Variants in AGBL1 observed in about 807,000 individuals in gnomAD.
AGBL1 encodes AGBL carboxypeptidase 1, also known as cytosolic carboxypeptidase 4.
AGBL1 carries 130 observed loss-of-function variants against 118.9 expected under a neutral mutation model. The observed-to-expected ratio is 1.09, with a 90% CI of 0.95 to 1.26. AGBL1 has a LOEUF of 1.26. Among genes scored for constraint, AGBL1 ranks in the 50% most tolerant of loss-of-function variants. The probability of loss-of-function intolerance (pLI) is 0.00; values close to 1 mark genes in which losing one functional copy is unlikely to be tolerated. For missense variants in AGBL1, 1,584 were observed against 1,298.1 expected (o/e 1.22, Z -3.38); for synonymous variants, 555 against 478.9 (o/e 1.16, Z -2.08).
chr15:86,841,067 C>T (rs771267557), intron 22 of AGBL1, among the ~76,000 whole-genome samples: 2 of 152,184 alleles, frequency 1.3e-5, no homozygotes, highest in Non-Finnish European at 2.9e-5. Context: ...GGTTCTAGGA[C>T]AAGCCCAGCG....
At position 86,749,692 on chromosome 15, in the gene AGBL1, C is replaced by T. The variant is rs1341294197; in HGVS notation, c.3158+75256C>T. Among the ~76,000 whole-genome samples, 9 of 152,240 alleles carry T rather than the reference C, an allele frequency of 5.9e-5. No individual in the cohort carries two copies. In the East Asian group the frequency reaches 1.7e-3, roughly 29 times the overall value. On this transcript the variant is annotated intron_variant, in intron 22 of 22. Transcript: ENST00000614907. ...TATTTTGAGATACATCCATCAATAC[C>T]TAATTTATTGAGAGTTTTTAGCATG...
chr15:86,594,186 C>T (rs903256290), intron 21 of AGBL1, among the ~76,000 whole-genome samples: 4 of 152,118 alleles, frequency 2.6e-5, no homozygotes, highest in South Asian at 2.1e-4. Context: ...TCTAGGATTA[C>T]AGGAGTGAGC....
At chr15:86,604,332 T>C (rs2084541311) in intron 21 of AGBL1, among the ~76,000 whole-genome samples, 1 of 152,222 alleles carries the variant, frequency 6.6e-6, no homozygotes, top group African/African-American at 2.4e-5. Context: ...TATAATTATT[T>C]ATCATGACAA....
At chr15:86,514,153 C>CACACAG (rs1196380202) in intron 18 of AGBL1, among the ~76,000 whole-genome samples, 1 of 151,252 alleles carries the variant, frequency 6.6e-6, no homozygotes, top group Non-Finnish European at 1.5e-5. Context: ...CACACACACA[C>CACACAG]ACACACACAT....
intron 22 of AGBL1, among the ~76,000 whole-genome samples, chr15:86,766,852 T>TACAC (rs10537713): frequency 1.3e-5 from 2 of 150,530 alleles, no homozygotes; most frequent in South Asian, 2.1e-4. Context: ...CAAAATAATC[T>TACAC]ACACACACAC....
intron 22 of AGBL1, among the ~76,000 whole-genome samples, chr15:86,849,256 T>A (rs1394047989): frequency 6.6e-6 from 1 of 152,228 alleles, no homozygotes; most frequent in Non-Finnish European, 1.5e-5. Context: ...TTTCTCTGCT[T>A]TGCCTCAGCA....
chr15:86,271,607 G>A lies in AGBL1; in HGVS notation c.1988-12G>A, dbSNP rs754217281. 6.3e-7 allele frequency: 1 copy of A among 1,595,892 alleles called. No homozygotes were observed. The highest frequency in any genetic ancestry group is 8.6e-7 in the Non-Finnish European group (1 of 1,163,580). On this transcript the variant is annotated splice_polypyrimidine_tract_variant and intron_variant, in intron 14 of 22. Transcript: ENST00000614907. ...TTCCCTCATGGATTAATTCCTTTCT[G>A]ATTTTGTGTAGGGATGCAGCCCACC...
intron 22 of AGBL1, among the ~76,000 whole-genome samples, chr15:86,708,369 T>A (rs923416052): frequency 5.3e-5 from 8 of 152,056 alleles, no homozygotes; most frequent in African/African-American, 1.9e-4. Context: ...AAAGGCCATA[T>A]GAGGACACAG....
chr15:86,850,799 A>T (rs1018356471), intron 22 of AGBL1, among the ~76,000 whole-genome samples: 1 of 149,778 alleles, frequency 6.7e-6, no homozygotes, highest in Admixed American at 6.7e-5. Flanking sequence ...GCTGCATATC[A>T]TGTAATCATT....
chr15:86,849,333 T>A (rs2079367256), intron 22 of AGBL1, among the ~76,000 whole-genome samples: 1 of 152,204 alleles, frequency 6.6e-6, no homozygotes, highest in South Asian at 2.1e-4. Context: ...GCCAGGCTGC[T>A]ATGCACGCTG....
intron 22 of AGBL1, among the ~76,000 whole-genome samples, chr15:86,813,589 T>C (rs116123123): frequency 0.012 from 1,855 of 152,206 alleles, 26 homozygotes; most frequent in Middle Eastern, 0.061. Context: ...GCCCTTCATC[T>C]CTCTCAGGCC....
intron 15 of AGBL1, among the ~76,000 whole-genome samples, chr15:86,279,113 G>A (rs1226691973): frequency 1.3e-5 from 2 of 152,174 alleles, no homozygotes; most frequent in African/African-American, 4.8e-5. Context: ...ATGGGTTGCT[G>A]CAATAATAAC....
At chr15:86,185,794 A>G (rs1389460696) in intron 5 of AGBL1, among the ~76,000 whole-genome samples, 1 of 152,078 alleles carries the variant, frequency 6.6e-6, no homozygotes, top group Non-Finnish European at 1.5e-5. Flanking sequence ...ATTAGGAGAT[A>G]TACCTAATGT....
rs180975206 is a variant in AGBL1 at position 86,409,352 on chromosome 15, G to A, written c.2555+11806G>A. ...TCAAAATGGAAATTATTTGCTCTGG[G>A]AACTCTTAAGGTCCTGCTGCTAAGT... On this transcript the variant is annotated intron_variant, in intron 18 of 22. Transcript: ENST00000614907. Among the ~76,000 whole-genome samples the A allele has an allele frequency of 2.0e-3, 301 of 152,230 alleles. 3 individuals carry two copies. Among genetic ancestry groups the A allele is most frequent in the Non-Finnish European group, 3.8e-3 (260 of 68,020 alleles).
At chr15:86,381,708 C>T (rs2081114903) in intron 17 of AGBL1, among the ~76,000 whole-genome samples, 2 of 152,080 alleles carry the variant, frequency 1.3e-5, no homozygotes, top group South Asian at 4.1e-4. Flanking sequence ...AACCAGAAGT[C>T]CAAGGGAGCT....
At chr15:87,007,179 C>T (rs737655) in intron 24 of AGBL1, among the ~76,000 whole-genome samples, 15,046 of 152,076 alleles carry the variant, frequency 0.099, 1,325 homozygotes, top group African/African-American at 0.23. Context: ...TTGAAATATA[C>T]AGTACATTTT....
intron 23 of AGBL1, among the ~76,000 whole-genome samples, chr15:86,934,048 A>C (rs986460862): frequency 6.6e-6 from 1 of 152,254 alleles, no homozygotes; most frequent in Non-Finnish European, 1.5e-5. Context: ...GAAACAAAAT[A>C]ATAAAATCAT....
chr15:87,021,456 G>A (rs147540850), intron 24 of AGBL1, among the ~76,000 whole-genome samples: 4,361 of 152,066 alleles, frequency 0.029, 87 homozygotes, highest in Middle Eastern at 0.058. Flanking sequence ...CATGACAAAA[G>A]CACAAAAGCA....
intron 22 of AGBL1, among the ~76,000 whole-genome samples, chr15:86,779,898 A>T (rs181444333): frequency 2.8e-3 from 412 of 148,028 alleles, no homozygotes; most frequent in African/African-American, 1.0e-2. Context: ...GAGTTGGAAA[A>T]GTATGTGTTG....
Sources: allele counts gnomAD v4.1 joint callset (sites outside exome capture counted in the v4.1 genomes callset), GRCh38; gene constraint gnomAD v4.1.1; transcripts MANE v1.5; gene names NCBI Gene and HGNC (gene_info 2026-07-23, HGNC 2026-07-21).